The following SIPA1L3 variants were observed in gnomAD, a reference collection of about 807,000 sequenced individuals.
SIPA1L3 encodes the protein signal induced proliferation associated 1 like 3, also known as signal-induced proliferation-associated 1-like protein 3.
In SIPA1L3, 59 loss-of-function variants were observed where a neutral mutation model predicts 150.1. That is an observed-to-expected ratio of 0.39 (90% confidence interval 0.32 to 0.49). The LOEUF is 0.49. Ranked by LOEUF, SIPA1L3 falls within the 20% of genes least tolerant of loss-of-function variation. The pLI is 0.86. For synonymous variants in SIPA1L3, 1,070 were observed against 1,077.6 expected, an observed-to-expected ratio of 0.99 and a Z score of 0.14; for missense variants, 2,211 against 2,489.5, an observed-to-expected ratio of 0.89 and a Z score of 2.38.
intron 2 of SIPA1L3, among the ~76,000 whole-genome samples, chr19:38,056,024 G>A (rs760555590): frequency 6.6e-6 from 1 of 152,218 alleles, no homozygotes; most frequent in Non-Finnish European, 1.5e-5. Context: ...CCTCCCGCTC[G>A]AGTCTGAACA....
intron 19 of SIPA1L3, 39 bp from the exon 20 acceptor site, chr19:38,201,823 G>A (rs1462342100): frequency 1.9e-6 from 3 of 1,562,266 alleles, no homozygotes; most frequent in Non-Finnish European, 2.6e-6. Flanking sequence ...GAAGCCGGGA[G>A]CCTTGCTGAC....
In SIPA1L3 at chr19:38,030,623, A is replaced by AATACATATATATATATATATATATAT. The variant is rs1250170240; in HGVS notation, c.-311+1470_-311+1471insCATATATATATATATATATATATATA. On this transcript the variant is annotated intron_variant, in intron 2 of 21. Transcript: ENST00000222345. The stretch of plus-strand genomic sequence containing the variant: ...ATATTTTATATATATATATGTGGCA[A>AATACATATATATATATATATATATAT]ATATATATATATATATATATATATA... Among the ~76,000 whole-genome samples the AATACATATATATATATATATATATAT allele has an allele frequency of 3.8e-3, 162 of 42,548 alleles. 12 individuals carry two copies. The highest frequency in any genetic ancestry group is 4.2e-3 in the Admixed American group (12 of 2,830). The allele number at this position is 42,548 out of a possible 152,430, so 27.9% of individuals were successfully genotyped here.
Position 38,182,598 on chromosome 19 carries a change from G to T in SIPA1L3, c.4288G>T (p.Ala1430Ser). The change falls in exon 16 of 22, where the codon GCC (alanine) becomes TCC (serine). Residue 1430 changes from alanine to serine, a missense_variant. Transcript: ENST00000222345. ...AGAGACTCCTCGGCCCTCCCAGCTG[G>T]CCCAGCCCAGCCCCTTTCAGCTCTC... ...SAETPRPSQLAQPSPFQLSAS... is the reference protein window; with the variant it reads ...SAETPRPSQLSQPSPFQLSAS... The T allele has an allele frequency of 6.2e-7, 1 of 1,614,116 alleles. No homozygotes were observed. The highest frequency in any genetic ancestry group is 1.3e-5 in the African/African-American group (1 of 75,008).
At chr19:38,066,255 G>T (rs1481587271) in intron 2 of SIPA1L3, among the ~76,000 whole-genome samples, 2 of 151,890 alleles carry the variant, frequency 1.3e-5, no homozygotes, top group African/African-American at 4.8e-5. Flanking sequence ...CACCCTCAAG[G>T]GATCCTCTTG....
intron 1 of SIPA1L3, among the ~76,000 whole-genome samples, chr19:37,923,331 C>T (rs1243909894): frequency 6.6e-6 from 1 of 152,190 alleles, no homozygotes; most frequent in Non-Finnish European, 1.5e-5. Flanking sequence ...AGCTAGATGG[C>T]ACAGCCTCCT....
rs999978179 is a variant in SIPA1L3 at position 38,206,361 on chromosome 19, A to G, written c.*121A>G. 4.1e-6 allele frequency: 5 copies of G among 1,210,312 alleles called. No homozygotes were observed. The highest frequency in any genetic ancestry group is 4.5e-6 in the Non-Finnish European group (4 of 882,854). 75.0% of individuals were successfully genotyped at this position (1,210,312 alleles called of 1,614,324 possible). A position where few individuals can be genotyped will look rare whatever the true frequency, so the allele number is the denominator to read the frequency against. On this transcript the variant is annotated 3_prime_UTR_variant, in exon 22 of 22. Transcript: ENST00000222345. ...AGATGACCCATCCAGGGCCCTCCCC[A>G]TGGACACGGAAACTCCGATGGCCTC...
chr19:38,082,888 C>G lies in SIPA1L3; in HGVS notation c.1323C>G (p.Asn441Lys). The change falls in exon 3 of 22, where the codon AAC becomes AAG. Residue 441 changes from asparagine (N) to lysine (K), a missense_variant. By Grantham distance (94) the Asn-to-Lys change is moderately conservative. This residue lies in a region of SIPA1L3 where 587 missense variants were observed against 534.5 expected (regional missense o/e 1.10). Transcript: ENST00000222345. ...RNEIGGECER[N>K]VSFSRASVGS... ...AGATCGGGGGCGAGTGTGAGCGCAA[C>G]GTGAGCTTCTCCCGGGCTTCCGTGG... The G allele has an allele frequency of 4.3e-6, 7 of 1,613,470 alleles. No individual in the cohort carries two copies. The highest frequency in any genetic ancestry group is 1.3e-5 in the African/African-American group (1 of 75,054).
intron 9 of SIPA1L3, among the ~76,000 whole-genome samples, chr19:38,127,663 T>A (rs375485329): frequency 9.2e-5 from 14 of 152,012 alleles, no homozygotes; most frequent in South Asian, 4.1e-4. Flanking sequence ...GCTAATTTTT[T>A]TTTTATTTTA....
chr19:38,176,607 C>T (rs1358357735), intron 15 of SIPA1L3, among the ~76,000 whole-genome samples: 2 of 152,258 alleles, frequency 1.3e-5, no homozygotes, highest in South Asian at 4.1e-4. Context: ...TTACTACTTT[C>T]AGAGAGAATC....
intron 16 of SIPA1L3, chr19:38,185,068 A>G (rs1017057646): frequency 6.6e-6 from 1 of 152,510 alleles, no homozygotes; most frequent in African/African-American, 2.4e-5. Flanking sequence ...TGCTGCCTCC[A>G]GTGAGCTCCC....
intron 1 of SIPA1L3, among the ~76,000 whole-genome samples, chr19:37,915,759 C>G (rs1007678757): frequency 1.3e-5 from 2 of 152,218 alleles, no homozygotes; most frequent in African/African-American, 4.8e-5. Flanking sequence ...GACAATGATT[C>G]TTGGACCTGT....
intron 8 of SIPA1L3, 128 bp downstream of exon 8, chr19:38,110,512 T>C (rs1970715184): frequency 3.1e-6 from 2 of 637,984 alleles, no homozygotes; most frequent in Admixed American, 2.8e-5. Flanking sequence ...CGGCGTATAC[T>C]CCCCACACCA....
At chr19:38,058,700 T>C (rs1969382613) in intron 2 of SIPA1L3, among the ~76,000 whole-genome samples, 1 of 152,204 alleles carries the variant, frequency 6.6e-6, no homozygotes, top group East Asian at 1.9e-4. Flanking sequence ...ATCAAACAGC[T>C]GAGTTTTTTG....
intron 1 of SIPA1L3, among the ~76,000 whole-genome samples, chr19:38,011,401 C>T (rs775051398): frequency 6.6e-6 from 1 of 152,074 alleles, no homozygotes; most frequent in Non-Finnish European, 1.5e-5. Context: ...ACTTGAGCCC[C>T]GGAGGTCCAG....
At chr19:38,027,265 G>A (rs1184467498) in intron 1 of SIPA1L3, among the ~76,000 whole-genome samples, 1 of 152,090 alleles carries the variant, frequency 6.6e-6, no homozygotes, top group Non-Finnish European at 1.5e-5. Flanking sequence ...TCCAGCCTGG[G>A]CAGTAGATCA....
chr19:38,007,930 C>T (rs1967996102), intron 1 of SIPA1L3, among the ~76,000 whole-genome samples: 1 of 152,124 alleles, frequency 6.6e-6, no homozygotes, highest in South Asian at 2.1e-4. Flanking sequence ...CTTTCTACAC[C>T]ATCCTCCTTG....
chr19:38,195,916 G>GC (rs1032991868), intron 18 of SIPA1L3, among the ~76,000 whole-genome samples: 3 of 151,686 alleles, frequency 2.0e-5, no homozygotes, highest in African/African-American at 7.3e-5. Context: ...CATACCGGGG[G>GC]CCCCCCAAAG....
rs539784156 is a variant in SIPA1L3 at position 37,947,305 on chromosome 19, T to C, written c.-379+39947T>C. 1.7e-3 allele frequency among the ~76,000 whole-genome samples: 252 copies of C among 151,242 alleles called. 1 individual carries two copies. In the East Asian group the frequency reaches 0.019, roughly 12 times the overall value. ...GAGATCGAGACCATCCTGGCTAACA[T>C]GGTGAAACTTCGTCTCTACTAAAAA... On this transcript the variant is annotated intron_variant, in intron 1 of 21. Coordinates refer to ENST00000222345, the MANE Select transcript of SIPA1L3 (RefSeq NM_015073.3).
chr19:38,191,583 C>T (rs1240092600), intron 16 of SIPA1L3, among the ~76,000 whole-genome samples: 4 of 151,940 alleles, frequency 2.6e-5, no homozygotes, highest in Non-Finnish European at 5.9e-5. Flanking sequence ...GGGGCCGAGG[C>T]GGGTGGATCA....
Sources: allele counts gnomAD v4.1 joint callset (sites outside exome capture counted in the v4.1 genomes callset), GRCh38; gene constraint gnomAD v4.1.1; regional missense constraint gnomAD v4.1.1; transcripts MANE v1.5; gene names NCBI Gene and HGNC (gene_info 2026-07-23, HGNC 2026-07-21).